The following RASAL2 variants were observed in gnomAD, a reference collection of about 807,000 sequenced individuals.
The protein encoded by RASAL2 is ras GTPase-activating protein nGAP.
RASAL2 carries 58 observed loss-of-function variants against 128.9 expected under a neutral mutation model. The observed-to-expected ratio is 0.45, with a 90% confidence interval of 0.36 to 0.56. The LOEUF is 0.56. Ranked by LOEUF, RASAL2 falls within the 20% of genes least tolerant of loss-of-function variation. RASAL2 has a pLI of 0.00. For synonymous variants in RASAL2, 561 were observed against 580.8 expected, an observed-to-expected ratio of 0.97 and a Z score of 0.49; for missense variants, 1,360 against 1,601.6, an observed-to-expected ratio of 0.85 and a Z score of 2.57.
At chr1:178,235,312 T>C (rs1486964918) in intron 1 of RASAL2, among the ~76,000 whole-genome samples, 4 of 152,248 alleles carry the variant, frequency 2.6e-5, no homozygotes, top group Non-Finnish European at 5.9e-5. Flanking sequence ...TTTTGGACTT[T>C]GATAGTGCAC....
In RASAL2 at chr1:178,336,934, C is replaced by T. The variant is rs6687038; in HGVS notation, c.457+36816C>T. Among the ~76,000 whole-genome samples, 765 of 151,858 alleles carry T rather than the reference C, an allele frequency of 5.0e-3. 15 individuals carry two copies. The highest frequency in any genetic ancestry group is 0.018 in the African/African-American group (736 of 41,448). On this transcript the variant is annotated intron_variant, in intron 3 of 17. Coordinates refer to ENST00000367649, the MANE Select transcript of RASAL2 (RefSeq NM_170692.4). ...GTAGGAAAGATTTCCTTGTATTTTC[C>T]CATTTAGATTTTGCTTATTATTATT...
intron 1 of RASAL2, among the ~76,000 whole-genome samples, chr1:178,241,617 A>G (rs1438485271): frequency 6.6e-6 from 1 of 152,180 alleles, no homozygotes. Context: ...GAGCATCAGG[A>G]TTAAATAACA....
chr1:178,108,874 G>A (rs1358321066), intron 1 of RASAL2, among the ~76,000 whole-genome samples: 2 of 152,130 alleles, frequency 1.3e-5, no homozygotes, highest in African/African-American at 4.8e-5. Flanking sequence ...GATAACATGA[G>A]GAAGCTCTAT....
chr1:178,431,071 C>A (rs1380856101), intron 5 of RASAL2, among the ~76,000 whole-genome samples: 1 of 151,700 alleles, frequency 6.6e-6, no homozygotes, highest in African/African-American at 2.4e-5. Context: ...CCTCCTCTGC[C>A]AAAAAATCCA....
intron 3 of RASAL2, among the ~76,000 whole-genome samples, chr1:178,347,146 C>T (rs1014034685): frequency 1.8e-4 from 28 of 152,010 alleles, no homozygotes; most frequent in African/African-American, 5.6e-4. Flanking sequence ...ATGTATTTGA[C>T]GGTGAAATTT....
chr1:178,245,361 T>C (rs1664724398), intron 1 of RASAL2, among the ~76,000 whole-genome samples: 1 of 152,230 alleles, frequency 6.6e-6, no homozygotes, highest in African/African-American at 2.4e-5. Context: ...GTTTGTCAGC[T>C]CCATAAATGT....
Position 178,217,058 on chromosome 1 carries a change from C to G in RASAL2, c.203-66506C>G, listed in dbSNP as rs185315902. 1.6e-3 allele frequency among the ~76,000 whole-genome samples: 243 copies of G among 152,232 alleles called. 1 individual carries two copies. Among genetic ancestry groups the G allele is most frequent in the African/African-American group, 5.7e-3 (237 of 41,530 alleles). ...TGGCACGACCTCGGCTCACTGCAACCTCCACCTCCCGGGTTCAAACAGTTC... is the reference window on the plus strand; with the variant it reads ...TGGCACGACCTCGGCTCACTGCAACGTCCACCTCCCGGGTTCAAACAGTTC... On this transcript the variant is annotated intron_variant, in intron 1 of 17. Transcript: ENST00000367649.
chr1:178,180,485 CAAAA>C lies in RASAL2; in HGVS notation c.202+85812_202+85815del, dbSNP rs71108033. Among the ~76,000 whole-genome samples the C allele has an allele frequency of 2.6e-3, 187 of 72,536 alleles. 2 individuals are homozygous for C. The highest frequency in any genetic ancestry group is 8.6e-3 in the African/African-American group (165 of 19,154). 47.6% of individuals were successfully genotyped at this position (72,536 alleles called of 152,430 possible). The stretch of plus-strand genomic sequence containing the variant: ...CAACATGGTGAAACCTCATCTCTAC[CAAAA>C]AAAAAAAAAAAAAAAAAAAACCCAC... On this transcript the variant is annotated intron_variant, in intron 1 of 17. Transcript: ENST00000367649.
intron 3 of RASAL2, among the ~76,000 whole-genome samples, chr1:178,322,390 C>T (rs985285715): frequency 1.3e-5 from 2 of 152,152 alleles, no homozygotes; most frequent in Non-Finnish European, 2.9e-5. Flanking sequence ...CAAATGTCAT[C>T]CCTGGGCCAG....
intron 1 of RASAL2, among the ~76,000 whole-genome samples, chr1:178,281,511 G>A (rs571731449): frequency 1.1e-4 from 17 of 152,180 alleles, no homozygotes; most frequent in African/African-American, 4.1e-4. Context: ...TATTTTGTCA[G>A]GAAACCTGGG....
intron 1 of RASAL2, among the ~76,000 whole-genome samples, chr1:178,272,308 T>C (rs1413385783): frequency 1.3e-5 from 2 of 152,226 alleles, no homozygotes; most frequent in Non-Finnish European, 2.9e-5. Context: ...TCAGAATAAC[T>C]GAATTCTAAG....
At chr1:178,355,112 A>G (rs1670731501) in intron 3 of RASAL2, among the ~76,000 whole-genome samples, 1 of 152,240 alleles carries the variant, frequency 6.6e-6, no homozygotes. Flanking sequence ...TGACAGAGCA[A>G]GACCCTGTCT....
chr1:178,360,981 A>G (rs1249848491), intron 3 of RASAL2, among the ~76,000 whole-genome samples: 1 of 152,236 alleles, frequency 6.6e-6, no homozygotes, highest in South Asian at 2.1e-4. Context: ...TAGAGATATG[A>G]AGTTAAATTT....
intron 3 of RASAL2, among the ~76,000 whole-genome samples, chr1:178,336,328 A>T (rs1571881561): frequency 6.6e-6 from 1 of 152,090 alleles, no homozygotes; most frequent in East Asian, 1.9e-4. Flanking sequence ...TATATAATAC[A>T]TATGTATGTC....
At chr1:178,377,764 A>T (rs537276172) in intron 3 of RASAL2, among the ~76,000 whole-genome samples, 2 of 152,182 alleles carry the variant, frequency 1.3e-5, no homozygotes, top group Non-Finnish European at 2.9e-5. Flanking sequence ...AATAGTGGAC[A>T]ACATTAATAT....
chr1:178,148,415 T>C (rs959966250), intron 1 of RASAL2, among the ~76,000 whole-genome samples: 2 of 152,026 alleles, frequency 1.3e-5, no homozygotes, highest in African/African-American at 4.8e-5. Flanking sequence ...AGGCTTAATG[T>C]GGTTAATCTA....
At chr1:178,261,272 T>C (rs1284828069) in intron 1 of RASAL2, among the ~76,000 whole-genome samples, 1 of 152,194 alleles carries the variant, frequency 6.6e-6, no homozygotes, top group Non-Finnish European at 1.5e-5. Context: ...ACAAATAAAT[T>C]TGATGTGAGC....
intron 1 of RASAL2, among the ~76,000 whole-genome samples, chr1:178,249,915 A>G (rs1664959920): frequency 6.6e-6 from 1 of 152,130 alleles, no homozygotes; most frequent in Non-Finnish European, 1.5e-5. Flanking sequence ...CAAAATTGCT[A>G]CCTGTTCCTT....
chr1:178,379,687 G>A (rs1319562608), intron 3 of RASAL2, among the ~76,000 whole-genome samples: 20 of 152,146 alleles, frequency 1.3e-4, no homozygotes, highest in Admixed American at 1.3e-3. Flanking sequence ...GGTGGACATG[G>A]TTCCCTTAGA....
Sources: allele counts gnomAD v4.1 joint callset (sites outside exome capture counted in the v4.1 genomes callset), GRCh38; gene constraint gnomAD v4.1.1; transcripts MANE v1.5; gene names NCBI Gene and HGNC (gene_info 2026-07-23, HGNC 2026-07-21).